The following FREM2 variants were observed in gnomAD, a reference collection of about 807,000 sequenced individuals.
FREM2 encodes the protein FRAS1 related extracellular matrix 2.
Under a neutral mutation model 219.9 loss-of-function variants are expected in FREM2, and 119 were observed. That is an observed-to-expected ratio of 0.54 (90% confidence interval 0.47 to 0.63). FREM2 has a LOEUF of 0.63. FREM2 is among the 30% of genes least tolerant of loss of function. The pLI, the probability that FREM2 is intolerant of heterozygous loss-of-function variation, is 0.00. For synonymous variants in FREM2, 1,562 were observed against 1,522.8 expected (o/e 1.03, Z -0.60); for missense variants, 4,030 against 3,993.6 (o/e 1.01, Z -0.25).
chr13:38,733,024 G>A (rs2137769722), intron 2 of FREM2, among the ~76,000 whole-genome samples: 1 of 152,272 alleles, frequency 6.6e-6, no homozygotes, highest in Middle Eastern at 3.4e-3. Context: ...GCTTTATCAT[G>A]GAGGTTTGTT....
intron 21 of FREM2, 61 bp from the exon 22 acceptor site, chr13:38,878,073 A>G (rs1012576322): frequency 7.5e-7 from 1 of 1,335,580 alleles, no homozygotes; most frequent in African/African-American, 1.4e-5. Flanking sequence ...ACCTGTTTAC[A>G]GTGTCACGTT....
chr13:38,723,746 A>G (rs939572116), intron 2 of FREM2, among the ~76,000 whole-genome samples: 1 of 152,216 alleles, frequency 6.6e-6, no homozygotes, highest in Non-Finnish European at 1.5e-5. Flanking sequence ...CTAGCTATGT[A>G]CCATTTAGAA....
intron 2 of FREM2, among the ~76,000 whole-genome samples, chr13:38,720,420 A>G (rs1293455808): frequency 6.6e-6 from 1 of 152,220 alleles, no homozygotes; most frequent in African/African-American, 2.4e-5. Context: ...TTAAAGCTAT[A>G]GAACTCACAC....
intron 2 of FREM2, among the ~76,000 whole-genome samples, chr13:38,731,721 A>G (rs763705962): frequency 5.9e-5 from 9 of 152,208 alleles, no homozygotes; most frequent in Non-Finnish European, 1.3e-4. Flanking sequence ...TTGGAAATGA[A>G]CAGACAGGCA....
rs531725661 is a variant in FREM2, at chr13:38,727,426, C to G, written c.5263+29639C>G. Among the ~76,000 whole-genome samples the G allele has an allele frequency of 3.9e-5, 6 of 152,308 alleles. No homozygotes were observed. In the South Asian group the frequency reaches 1.2e-3, roughly 32 times the overall value. On this transcript the variant is annotated intron_variant, in intron 2 of 23. Transcript: ENST00000280481. ...CATGGGAGGTGGAGTTTGCAGTGAGCTGAGATCATGCCACTGCACTCCAGC... is the reference window on the plus strand; with the variant it reads ...CATGGGAGGTGGAGTTTGCAGTGAGGTGAGATCATGCCACTGCACTCCAGC...
intron 11 of FREM2, 109 bp downstream of exon 11, chr13:38,851,977 G>T: frequency 1.0e-6 from 1 of 1,004,034 alleles, no homozygotes; most frequent in Non-Finnish European, 1.6e-6. Context: ...TCAAAATAGG[G>T]CACTCTTTTT....
At chr13:38,756,289 G>A (rs919261380) in intron 2 of FREM2, among the ~76,000 whole-genome samples, 5 of 152,094 alleles carry the variant, frequency 3.3e-5, no homozygotes, top group Admixed American at 2.6e-4. Context: ...GGAAATACAG[G>A]GTTAGGTTTC....
At chr13:38,698,711 G>T (rs983467015) in intron 2 of FREM2, among the ~76,000 whole-genome samples, 1 of 152,066 alleles carries the variant, frequency 6.6e-6, no homozygotes, top group Admixed American at 6.6e-5. Flanking sequence ...TTTAAAAATG[G>T]CACACTATTA....
chr13:38,723,059 C>T (rs1871360233), intron 2 of FREM2, among the ~76,000 whole-genome samples: 1 of 151,488 alleles, frequency 6.6e-6, no homozygotes, highest in African/African-American at 2.4e-5. Flanking sequence ...GGTGAAACCC[C>T]ATCTCTACTA....
In FREM2 at chr13:38,690,709, C is replaced by G. The variant is rs778350535; in HGVS notation, c.3365C>G (p.Pro1122Arg). The part of the protein sequence containing the change: ...SGYVENISPA[P>R]GSEKSRAGIA... ...TATGTTGAAAACATTTCTCCAGCAC[C>G]AGGCTCTGAGAAATCAAGAGCAGGG... is the stretch of plus-strand genomic sequence containing the variant. The change falls in exon 1 of 24, where the codon CCA becomes CGA. Residue 1122 changes from proline (P) to arginine (R), a missense_variant. Transcript: ENST00000280481. 4 of 1,613,882 alleles carry G rather than the reference C, an allele frequency of 2.5e-6. No homozygotes were observed. In the African/African-American group the frequency reaches 4.0e-5, roughly 16 times the overall value.
Position 38,882,948 on chromosome 13 carries a change from A to G in FREM2, c.*2161A>G, listed in dbSNP as rs1318728670. On this transcript the variant is annotated 3_prime_UTR_variant, in exon 24 of 24. Coordinates refer to ENST00000280481, the MANE Select transcript of FREM2 (RefSeq NM_207361.6). Reference sequence around the variant, plus strand: ...CAATCGGTGAAGCATTACTGTACGAAGTCTGTTTTCAGGCTTTGGGTCAAG... The same window carrying G: ...CAATCGGTGAAGCATTACTGTACGAGGTCTGTTTTCAGGCTTTGGGTCAAG... 3 of 152,180 alleles carry G rather than the reference A, an allele frequency of 2.0e-5. No homozygotes were observed. The highest frequency in any genetic ancestry group is 7.2e-5 in the African/African-American group (3 of 41,458). The allele number at this position is 152,180 out of a possible 1,614,324, so 9.4% of individuals were successfully genotyped here.
At chr13:38,775,673 G>A (rs891071782) in intron 4 of FREM2, among the ~76,000 whole-genome samples, 1 of 152,126 alleles carries the variant, frequency 6.6e-6, no homozygotes, top group African/African-American at 2.4e-5. Flanking sequence ...AGGCTGGAGC[G>A]AAGTGGCACA....
intron 6 of FREM2, 82 bp from the exon 7 acceptor site, chr13:38,846,491 A>G (rs1877157515): frequency 6.9e-7 from 1 of 1,440,856 alleles, no homozygotes; most frequent in Non-Finnish European, 9.7e-7. Context: ...GAGGAAGCAC[A>G]CTCTTCTTTG....
rs569293134 is a variant in FREM2 at position 38,812,516 on chromosome 13, T to C, written c.6019+27708T>C. On this transcript the variant is annotated intron_variant, in intron 6 of 23. Transcript: ENST00000280481. The stretch of plus-strand genomic sequence containing the variant: ...CTTGCAAATACTATCTTATAACCTA[T>C]TATTTTAAACTAATGACAACAACAC... Among the ~76,000 whole-genome samples, 41 of 152,282 alleles carry C rather than the reference T, an allele frequency of 2.7e-4. 1 individual carries two copies. Among genetic ancestry groups the C allele is most frequent in the Admixed American group, 2.2e-3 (34 of 15,288 alleles).
intron 2 of FREM2, among the ~76,000 whole-genome samples, chr13:38,732,309 A>G (rs987651953): frequency 6.6e-6 from 1 of 152,208 alleles, no homozygotes; most frequent in African/African-American, 2.4e-5. Context: ...GAGTTTGCCA[A>G]ATTCCTGATT....
rs532866706 is a variant in FREM2, at chr13:38,811,862, A to G, written c.6019+27054A>G. Among the ~76,000 whole-genome samples the G allele has an allele frequency of 7.2e-5, 11 of 152,278 alleles. No individual in the cohort carries two copies. The East Asian group carries it at 1.5e-3, about 21-fold the overall frequency. ...ATGTTTCTCCATTGATTTTCTGTCT[A>G]GAAGATCTGTCCAATGCTGAATGTG... On this transcript the variant is annotated intron_variant, in intron 6 of 23. Transcript: ENST00000280481.
chr13:38,870,558 A>G (rs774090485), intron 16 of FREM2, among the ~76,000 whole-genome samples: 5 of 152,208 alleles, frequency 3.3e-5, no homozygotes, highest in Admixed American at 6.5e-5. Flanking sequence ...GAATGATTGC[A>G]TTGCACTCTT....
At chr13:38,758,061 A>T (rs1873083151) in intron 2 of FREM2, among the ~76,000 whole-genome samples, 1 of 152,200 alleles carries the variant, frequency 6.6e-6, no homozygotes, top group African/African-American at 2.4e-5. Context: ...CTATTGGACT[A>T]ATCATTATTG....
intron 2 of FREM2, among the ~76,000 whole-genome samples, chr13:38,703,539 A>G (rs1417785012): frequency 6.6e-6 from 1 of 152,176 alleles, no homozygotes; most frequent in Non-Finnish European, 1.5e-5. Flanking sequence ...GCAGTTCACA[A>G]TAGATCAAGT....
Sources: gnomAD v4.1 joint callset for allele counts (sites outside exome capture counted in the v4.1 genomes callset) on GRCh38, gnomAD v4.1.1 for gene constraint, MANE v1.5 for transcripts, NCBI Gene and HGNC (gene_info 2026-07-23, HGNC 2026-07-21) for gene names.